OSMR: variants seen among roughly 807,000 people sequenced by gnomAD.
OSMR encodes the protein oncostatin-M-specific receptor subunit beta.
In OSMR, 81 loss-of-function variants were observed where a neutral mutation model predicts 99.9. That is an observed-to-expected ratio of 0.81 (90% CI 0.68 to 0.97). The LOEUF (loss-of-function observed/expected upper bound fraction) is 0.97, where lower values mean the gene tolerates loss of function less well. Ranked by LOEUF, OSMR falls within the 50% of genes least tolerant of loss-of-function variation. The pLI, the probability that OSMR is intolerant of heterozygous loss-of-function variation, is 0.00. For missense variants in OSMR, 1,099 were observed against 1,153.4 expected (o/e 0.95, Z 0.68); for synonymous variants, 406 against 410.4 (o/e 0.99, Z 0.13).
chr5:38,942,106 C>A, intron 1 of OSMR: 1 of 404,886 alleles, frequency 2.5e-6, no homozygotes. Context: ...CCTCAAAAGG[C>A]TCAACAAAGG....
At chr5:38,944,126 T>C (rs1747910615) in intron 1 of OSMR, 1 of 436,732 alleles carries the variant, frequency 2.3e-6, no homozygotes, top group Non-Finnish European at 4.4e-6. Context: ...TGTTAACATG[T>C]ATTTTAATAA....
intron 9 of OSMR, among the ~76,000 whole-genome samples, chr5:38,911,629 A>G (rs1745592471): frequency 6.6e-6 from 1 of 152,218 alleles, no homozygotes; most frequent in African/African-American, 2.4e-5. Context: ...CTTCAGGTCA[A>G]TATCCTTGAT....
intron 9 of OSMR, among the ~76,000 whole-genome samples, chr5:38,904,811 C>G (rs1344257660): frequency 1.3e-5 from 2 of 152,146 alleles, no homozygotes; most frequent in Non-Finnish European, 2.9e-5. Context: ...TTAGTATACA[C>G]CTTTAATTCA....
At chr5:38,942,320 G>A (rs1747655363) in intron 1 of OSMR, 8 of 1,594,042 alleles carry the variant, frequency 5.0e-6, no homozygotes, top group South Asian at 3.4e-5. Flanking sequence ...TTCAGCAGAT[G>A]TATCAACTAT....
chr5:38,850,888 C>A (rs357287), intron 1 of OSMR, among the ~76,000 whole-genome samples: 110,212 of 152,024 alleles, frequency 0.72, 39,973 homozygotes, highest in Admixed American at 0.77. Flanking sequence ...GTCTGTCAGC[C>A]GGGGATGGTA....
intron 1 of OSMR, among the ~76,000 whole-genome samples, chr5:38,862,735 A>T (rs1238365805): frequency 5.9e-5 from 9 of 151,388 alleles, no homozygotes; most frequent in Non-Finnish European, 1.3e-4. Flanking sequence ...GGCCGGGAAG[A>T]GGCGCTCCTC....
exon 2 of OSMR, chr5:38,944,215 CT>C (rs1297945598): frequency 3.3e-6 from 2 of 601,714 alleles, no homozygotes; most frequent in Non-Finnish European, 6.2e-6. Flanking sequence ...CTTCAAAAGT[CT>C]GGCTTAATAG....
chr5:38,928,615 C>G (rs1746577436), intron 15 of OSMR, among the ~76,000 whole-genome samples: 1 of 152,070 alleles, frequency 6.6e-6, no homozygotes, highest in Admixed American at 6.5e-5. Flanking sequence ...CAATTGCCTC[C>G]CACCAGGTCC....
At position 38,919,004 on chromosome 5, in the gene OSMR, C is replaced by A. The variant is rs763606577; in HGVS notation, c.1527C>A (p.Asn509Lys). Residue 509 changes from asparagine (N) to lysine (K), a missense_variant, in exon 11 of 18, where the codon AAC becomes AAA. Coordinates refer to ENST00000274276, the MANE Select transcript of OSMR (RefSeq NM_003999.3). ...RCSYQICVIA[N>K]NSVGASPASV... ...CCTACCAAATCTGCGTCATAGCCAA[C>A]AACAGTGTGGGTGCTTCTCCTGCTT... The A allele has an allele frequency of 5.0e-6, 8 of 1,614,130 alleles. No individual in the cohort carries two copies. Among genetic ancestry groups the A allele is most frequent in the Non-Finnish European group, 6.8e-6 (8 of 1,180,008 alleles).
chr5:38,932,746 C>A (rs1158611454), intron 17 of OSMR, 126 bp from the exon 18 acceptor site: 1 of 1,532,346 alleles, frequency 6.5e-7, no homozygotes, highest in African/African-American at 1.4e-5. Context: ...CTCCAGGTTA[C>A]TTGTGACCAG....
intron 9 of OSMR, among the ~76,000 whole-genome samples, chr5:38,907,230 C>G (rs766105134): frequency 6.6e-6 from 1 of 152,196 alleles, no homozygotes; most frequent in Non-Finnish European, 1.5e-5. Flanking sequence ...CACCCACACT[C>G]GTTCTTGGCC....
In OSMR at chr5:38,881,659, T is replaced by C; in HGVS notation, c.313T>C (p.Leu105=). 1 of 1,614,210 alleles carries C rather than the reference T, an allele frequency of 6.2e-7. No individual in the cohort carries two copies. Among genetic ancestry groups the C allele is most frequent in the Non-Finnish European group, 8.5e-7 (1 of 1,180,016 alleles). The change falls in exon 4 of 18, where the codon TTG becomes CTG. Residue 105 remains leucine, a synonymous_variant. Coordinates refer to ENST00000274276, the MANE Select transcript of OSMR (RefSeq NM_003999.3). The part of the protein sequence containing the change: ...LHWSWESELP[L]ECATHFVRIK... The stretch of plus-strand genomic sequence containing the variant: ...TTGGAGCTGGGAATCTGAGCTCCCT[T>C]TGGAATGTGCCACACACTTTGTAAG...
At chr5:38,912,010 G>T (rs908834204) in intron 9 of OSMR, among the ~76,000 whole-genome samples, 4 of 151,828 alleles carry the variant, frequency 2.6e-5, no homozygotes, top group Non-Finnish European at 5.9e-5. Flanking sequence ...AATAAGACAA[G>T]GATGTCCACT....
chr5:38,847,683 C>T (rs1197579937), intron 1 of OSMR, among the ~76,000 whole-genome samples: 1 of 152,156 alleles, frequency 6.6e-6, no homozygotes, highest in Non-Finnish European at 1.5e-5. Context: ...AGTTTGTTTT[C>T]CCCGTAGCAT....
intron 2 of OSMR, among the ~76,000 whole-genome samples, chr5:38,873,012 A>G (rs1193431286): frequency 6.6e-6 from 1 of 152,364 alleles, no homozygotes; most frequent in East Asian, 1.9e-4. Context: ...TACATTCACA[A>G]TGTTATGCAA....
chr5:38,848,954 T>A (rs1278301201), intron 1 of OSMR, among the ~76,000 whole-genome samples: 1 of 152,078 alleles, frequency 6.6e-6, no homozygotes, highest in Non-Finnish European at 1.5e-5. Flanking sequence ...TTTTTTGTAT[T>A]TTTTGTAAAG....
chr5:38,941,348 C>A (rs1049846427), intron 1 of OSMR: 2 of 231,498 alleles, frequency 8.6e-6, no homozygotes, highest in African/African-American at 4.4e-5. Flanking sequence ...AAATATGGCT[C>A]TTCTTTCCCC....
In OSMR at chr5:38,904,484, C is replaced by G; in HGVS notation, c.1266C>G (p.Asn422Lys). 3 of 1,614,138 alleles carry G rather than the reference C, an allele frequency of 1.9e-6. No individual in the cohort carries two copies. The highest frequency in any genetic ancestry group is 2.5e-6 in the Non-Finnish European group (3 of 1,180,040). The change falls in exon 9 of 18, where the codon AAC (asparagine) becomes AAG (lysine). Residue 422 changes from asparagine to lysine, a missense_variant. By Grantham distance (94) the Asn-to-Lys change is moderately conservative (BLOSUM62 0). Transcript: ENST00000274276. The stretch of plus-strand genomic sequence containing the variant: ...AATGGAGTGAATGGAGTGGTCAGAA[C>G]TTCACCACACTTGAAGCTGGTATGT... Reference protein sequence around the residue: ...FWKWSEWSGQNFTTLEAAPSE... With the variant: ...FWKWSEWSGQKFTTLEAAPSE...
rs948890211 is a variant in OSMR, at chr5:38,884,024, A to T, written c.616A>T (p.Ile206Phe). 1.2e-6 allele frequency: 2 copies of T among 1,613,282 alleles called. No individual in the cohort carries two copies. The highest frequency in any genetic ancestry group is 2.7e-5 in the African/African-American group (2 of 74,918). The change falls in exon 5 of 18, where the codon ATT becomes TTT. Residue 206 changes from isoleucine to phenylalanine, a missense_variant. Transcript: ENST00000274276. ...TAFNLNSVPF[I>F]RNKGTNIYCE... ...ATTCAACTTGAATAGTGTGCCTTTC[A>T]TTAGGAATAAAGGGACAAATATCTA...
Sources: gnomAD v4.1 joint callset for allele counts (sites outside exome capture counted in the v4.1 genomes callset) on GRCh38, gnomAD v4.1.1 for gene constraint, MANE v1.5 for transcripts, NCBI Gene and HGNC (gene_info 2026-07-23, HGNC 2026-07-21) for gene names.